KIRREL3: variants seen among roughly 807,000 people sequenced by gnomAD.
The protein encoded by KIRREL3 is kirre like nephrin family adhesion molecule 3, also known as kin of IRRE-like protein 3.
A neutral mutation model predicts 89.7 loss-of-function variants in KIRREL3; 36 were observed. The ratio of observed to expected loss-of-function variants is 0.40; its 90% CI spans 0.31 to 0.53. The LOEUF is 0.53. Ranked by LOEUF, KIRREL3 falls within the 20% of genes least tolerant of loss-of-function variation. KIRREL3 has a pLI of 0.49. For missense variants in KIRREL3, 864 were observed against 1,056.6 expected (o/e 0.82, Z 2.53); for synonymous variants, 445 against 441.4 (o/e 1.01, Z -0.10).
chr11:126,693,018 C>T (rs550270810), intron 1 of KIRREL3, among the ~76,000 whole-genome samples: 1 of 152,354 alleles, frequency 6.6e-6, no homozygotes, highest in Admixed American at 6.5e-5. Context: ...AGCTTGCATG[C>T]TCCTGCTCAC....
rs1950630173 is a variant in KIRREL3, at chr11:126,791,222, A to C, written c.55+209233T>G. Among the ~76,000 whole-genome samples the C allele has an allele frequency of 6.6e-6, 1 of 152,152 alleles. No homozygotes were observed. Among genetic ancestry groups the C allele is most frequent in the Admixed American group, 6.5e-5 (1 of 15,276 alleles). The stretch of plus-strand genomic sequence containing the variant: ...AAACCTCTTATTGAGGAAAGAGTAC[A>C]TTTTGGGGGGCCTGTACAGGGAATT... On this transcript the variant is annotated intron_variant, in intron 1 of 16. Coordinates refer to ENST00000525144, the MANE Select transcript of KIRREL3 (RefSeq NM_032531.4). The surrounding 1 kb of genome is among the most constrained non-coding windows in gnomAD (Gnocchi z 4.8).
chr11:126,831,708 G>GT (rs889719892), intron 1 of KIRREL3, among the ~76,000 whole-genome samples: 12 of 151,554 alleles, frequency 7.9e-5, no homozygotes, highest in East Asian at 3.9e-4. Flanking sequence ...GTATTTTCTA[G>GT]TTTTTTTTTG....
At chr11:126,698,879 T>A (rs527736276) in intron 1 of KIRREL3, among the ~76,000 whole-genome samples, 7 of 152,230 alleles carry the variant, frequency 4.6e-5, no homozygotes, top group Non-Finnish European at 8.8e-5. Flanking sequence ...CCCAAGTCAC[T>A]GCCCTTCGTG....
intron 5 of KIRREL3, among the ~76,000 whole-genome samples, chr11:126,470,168 C>T (rs1451740141): frequency 6.6e-6 from 1 of 152,254 alleles, no homozygotes; most frequent in African/African-American, 2.4e-5. Context: ...CCTCTCTCTC[C>T]ACCTGATGGC....
intron 1 of KIRREL3, among the ~76,000 whole-genome samples, chr11:126,854,598 CCA>C (rs1944448840): frequency 3.3e-5 from 5 of 152,152 alleles, no homozygotes; most frequent in Admixed American, 2.0e-4. Flanking sequence ...TAAATATAGA[CCA>C]CATTTTGTTT....
chr11:126,424,207 C>A lies in KIRREL3; in HGVS notation c.*373G>T. ...CTTCTGGTCAGCGAGGGGTAGAGCC[C>A]ACAGAGAGACCAGAGAGTGGACCGC... On this transcript the variant is annotated 3_prime_UTR_variant, in exon 17 of 17. Coordinates refer to ENST00000525144, the MANE Select transcript of KIRREL3 (RefSeq NM_032531.4). 3.2e-6 allele frequency: 1 copy of A among 313,004 alleles called. No individual in the cohort carries two copies. Among genetic ancestry groups the A allele is most frequent in the Non-Finnish European group, 6.2e-6 (1 of 162,326 alleles). 19.4% of individuals were successfully genotyped at this position (313,004 alleles called of 1,614,324 possible).
Position 126,830,935 on chromosome 11 carries a change from T to C in KIRREL3, c.55+169520A>G, listed in dbSNP as rs952924397. Among the ~76,000 whole-genome samples, 3 of 152,168 alleles carry C rather than the reference T, an allele frequency of 2.0e-5. No individual in the cohort carries two copies. Among genetic ancestry groups the C allele is most frequent in the Non-Finnish European group, 4.4e-5 (3 of 68,030 alleles). On this transcript the variant is annotated intron_variant, in intron 1 of 16. Coordinates refer to ENST00000525144, the MANE Select transcript of KIRREL3 (RefSeq NM_032531.4). The surrounding 1 kb of genome is among the most constrained non-coding windows in gnomAD (Gnocchi z 4.9). ...GTACGGCCACATATGCCTTCATTGA[T>C]GTGAATAATACCACCCTGGGCATTA...
At chr11:126,853,364 C>A (rs1944403177) in intron 1 of KIRREL3, among the ~76,000 whole-genome samples, 1 of 152,150 alleles carries the variant, frequency 6.6e-6, no homozygotes, top group African/African-American at 2.4e-5. Context: ...ATCTTGTGGC[C>A]ATAATTTGAA....
intron 1 of KIRREL3, among the ~76,000 whole-genome samples, chr11:126,728,170 G>A (rs1256478788): frequency 5.3e-5 from 8 of 152,152 alleles, no homozygotes; most frequent in African/African-American, 1.9e-4. Context: ...AGCTGTGGTG[G>A]CTGGCCCCAT....
At chr11:126,856,642 G>A (rs943814195) in intron 1 of KIRREL3, among the ~76,000 whole-genome samples, 2 of 146,942 alleles carry the variant, frequency 1.4e-5, no homozygotes, top group Admixed American at 1.4e-4. Flanking sequence ...TTGAGACCGA[G>A]TCTCGCTCTG....
intron 1 of KIRREL3, among the ~76,000 whole-genome samples, chr11:126,915,807 G>A (rs1178823638): frequency 6.6e-6 from 1 of 152,148 alleles, no homozygotes; most frequent in Non-Finnish European, 1.5e-5. Flanking sequence ...CTTACCTTTA[G>A]GTAAGAGCAT....
At chr11:126,613,270 T>C (rs1157994101) in intron 1 of KIRREL3, among the ~76,000 whole-genome samples, 1 of 152,090 alleles carries the variant, frequency 6.6e-6, no homozygotes, top group Non-Finnish European at 1.5e-5. Context: ...AAGTTCGTGA[T>C]TACAGGCTCG....
intron 1 of KIRREL3, among the ~76,000 whole-genome samples, chr11:126,834,854 C>A (rs1417180880): frequency 6.6e-6 from 1 of 152,242 alleles, no homozygotes; most frequent in Admixed American, 6.5e-5. Context: ...AAGCTCACAG[C>A]AAACAAATCA....
rs973577231 is a variant in KIRREL3 at position 126,870,791 on chromosome 11, C to A, written c.55+129664G>T. On this transcript the variant is annotated intron_variant, in intron 1 of 16. Transcript: ENST00000525144. This position sits in a 1 kb window ranked among gnomAD's most constrained non-coding sequence, Gnocchi z 4.4. ...CAGCTACCCAGAGCACACTGCCCCTCCCCACTTCCAGTGTAGTTCCTGCAC... is the reference window on the plus strand; with the variant it reads ...CAGCTACCCAGAGCACACTGCCCCTACCCACTTCCAGTGTAGTTCCTGCAC... Among the ~76,000 whole-genome samples the A allele has an allele frequency of 6.6e-6, 1 of 152,184 alleles. No homozygotes were observed. Among genetic ancestry groups the A allele is most frequent in the African/African-American group, 2.4e-5 (1 of 41,450 alleles).
chr11:126,940,798 T>C lies in KIRREL3; in HGVS notation c.55+59657A>G, dbSNP rs1186852603. Reference sequence around the variant, plus strand: ...TCCTCTGTAGGCAGTAATTCTTTTTTCTTTTCTTTCTTTTTTTTTTCTTTT... The same window carrying C: ...TCCTCTGTAGGCAGTAATTCTTTTTCCTTTTCTTTCTTTTTTTTTTCTTTT... On this transcript the variant is annotated intron_variant, in intron 1 of 16. Transcript: ENST00000525144. This position sits in a 1 kb window ranked among gnomAD's most constrained non-coding sequence, Gnocchi z 4.6. 6.6e-6 allele frequency: 1 copy of C among 152,134 alleles called. No individual in the cohort carries two copies. Among genetic ancestry groups the C allele is most frequent in the Non-Finnish European group, 1.5e-5 (1 of 68,046 alleles). 9.4% of individuals were successfully genotyped at this position (152,134 alleles called of 1,614,324 possible). A position where few individuals can be genotyped will look rare whatever the true frequency, so the allele number is the denominator to read the frequency against.
intron 1 of KIRREL3, among the ~76,000 whole-genome samples, chr11:126,884,126 C>A (rs931053648): frequency 1.4e-4 from 21 of 152,202 alleles, no homozygotes; most frequent in African/African-American, 5.1e-4. Flanking sequence ...AGAAAAAGTT[C>A]TCTAGTACCG....
chr11:126,913,881 G>T (rs1946930282), intron 1 of KIRREL3, among the ~76,000 whole-genome samples: 1 of 152,232 alleles, frequency 6.6e-6, no homozygotes, highest in Admixed American at 6.5e-5. Context: ...CACCTCATCA[G>T]TGTGCTTCAG....
In KIRREL3 at chr11:126,666,949, C is replaced by T. The variant is rs1250054634; in HGVS notation, c.56-104037G>A. 6.6e-6 allele frequency among the ~76,000 whole-genome samples: 1 copy of T among 152,222 alleles called. No homozygotes were observed. Among genetic ancestry groups the T allele is most frequent in the African/African-American group, 2.4e-5 (1 of 41,458 alleles). On this transcript the variant is annotated intron_variant, in intron 1 of 16. Transcript: ENST00000525144. The surrounding 1 kb of genome is among the most constrained non-coding windows in gnomAD (Gnocchi z 4.2). Reference sequence around the variant, plus strand: ...CAGCATTTCCTAGTCCTACAAGATTCAGATCCCTGATGTGGAGCCAAGGAA... The same window carrying T: ...CAGCATTTCCTAGTCCTACAAGATTTAGATCCCTGATGTGGAGCCAAGGAA...
intron 1 of KIRREL3, among the ~76,000 whole-genome samples, chr11:126,638,491 A>G (rs569343774): frequency 6.6e-6 from 1 of 152,374 alleles, no homozygotes; most frequent in East Asian, 1.9e-4. Context: ...CTAGTGTCAC[A>G]GAATCTGCAT....
Sources: gnomAD v4.1 joint callset for allele counts (sites outside exome capture counted in the v4.1 genomes callset) on GRCh38, gnomAD v4.1.1 for gene constraint, Gnocchi (gnomAD v3.1) non-coding constraint, MANE v1.5 for transcripts, NCBI Gene and HGNC (gene_info 2026-07-23, HGNC 2026-07-21) for gene names.